The following DMXL2 variants were observed in gnomAD, a reference collection of about 807,000 sequenced individuals.
DMXL2 encodes dmX-like protein 2.
DMXL2 carries 103 observed loss-of-function variants against 331.1 expected under a neutral mutation model. That is an observed-to-expected ratio of 0.31 (90% CI 0.27 to 0.37). The LOEUF is 0.37. Among genes scored for constraint, DMXL2 ranks in the 10% least tolerant of loss-of-function variants. The probability of loss-of-function intolerance (pLI) is 1.00; values close to 1 mark genes in which losing one functional copy is unlikely to be tolerated. For synonymous variants in DMXL2, 1,281 were observed against 1,252.1 expected (o/e 1.02, Z -0.49); for missense variants, 3,171 against 3,642.9 (o/e 0.87, Z 3.33).
intron 19 of DMXL2, among the ~76,000 whole-genome samples, chr15:51,492,299 C>T (rs1402517218): frequency 1.3e-5 from 2 of 152,210 alleles, no homozygotes; most frequent in African/African-American, 4.8e-5. Context: ...GTGCCACTAC[C>T]CCATTCTTCT....
At chr15:51,491,541 T>C (rs938335015) in intron 20 of DMXL2, 37 bp downstream of exon 20, 62 of 1,558,408 alleles carry the variant, frequency 4.0e-5, no homozygotes, top group Non-Finnish European at 4.9e-5. Flanking sequence ...GAAAAGGTTT[T>C]TTTAATATAA....
Position 51,618,224 on chromosome 15 carries a change from A to T in DMXL2, c.87+4235T>A, listed in dbSNP as rs2054407828. Among the ~76,000 whole-genome samples, 3 of 152,118 alleles carry T rather than the reference A, an allele frequency of 2.0e-5. No individual in the cohort carries two copies. The South Asian group carries it at 6.2e-4, about 32-fold the overall frequency. ...ATTGCACAGCTGGCCTACTGTGGTT[A>T]GGTATGTGTCTTTTACTCTCGTATT... On this transcript the variant is annotated intron_variant, in intron 1 of 43. Transcript: ENST00000560891.
chr15:51,518,431 A>C (rs2140690993), intron 13 of DMXL2, among the ~76,000 whole-genome samples: 1 of 152,352 alleles, frequency 6.6e-6, no homozygotes, highest in South Asian at 2.1e-4. Flanking sequence ...GAAAACAGTG[A>C]AATTTTTGTA....
intron 22 of DMXL2, among the ~76,000 whole-genome samples, chr15:51,486,689 C>T (rs2042417879): frequency 6.6e-6 from 1 of 152,080 alleles, no homozygotes; most frequent in Non-Finnish European, 1.5e-5. Flanking sequence ...AAACATATTT[C>T]TGCATAATCA....
chr15:51,566,833 G>C (rs2050318887), intron 3 of DMXL2, among the ~76,000 whole-genome samples: 1 of 152,042 alleles, frequency 6.6e-6, no homozygotes, highest in African/African-American at 2.4e-5. Flanking sequence ...AAAATGTAAT[G>C]CATGCAGGAT....
intron 33 of DMXL2, chr15:51,459,863 C>A: frequency 8.7e-7 from 1 of 1,151,424 alleles, no homozygotes; most frequent in Non-Finnish European, 1.1e-6. Flanking sequence ...ATTAATGTGA[C>A]TATTACATAA....
chr15:51,613,970 T>C (rs2054132839), intron 1 of DMXL2, among the ~76,000 whole-genome samples: 1 of 152,226 alleles, frequency 6.6e-6, no homozygotes, highest in Admixed American at 6.5e-5. Flanking sequence ...TAACATGTGT[T>C]GTGGACTATA....
At chr15:51,492,626 TTACTGA>T (rs1165406463) in intron 19 of DMXL2, among the ~76,000 whole-genome samples, 1 of 152,200 alleles carries the variant, frequency 6.6e-6, no homozygotes, top group African/African-American at 2.4e-5. Context: ...GATAACGCTC[TTACTGA>T]TATTCGACTT....
intron 13 of DMXL2, among the ~76,000 whole-genome samples, chr15:51,525,613 C>T (rs1255269279): frequency 2.0e-5 from 3 of 152,072 alleles, no homozygotes; most frequent in African/African-American, 7.2e-5. Context: ...AACAAGCTAA[C>T]CAAAGAGCTC....
rs1258267161 is a variant in DMXL2 at position 51,622,633 on chromosome 15, T to C, written c.-88A>G. On this transcript the variant is annotated 5_prime_UTR_variant, in exon 1 of 44. Transcript: ENST00000560891. ...TCGGGCTGCGAGAGCCGTTTCCCTCTGTGCCTCCCTCGGAAACCCGCCCCG... is the reference window on the plus strand; with the variant it reads ...TCGGGCTGCGAGAGCCGTTTCCCTCCGTGCCTCCCTCGGAAACCCGCCCCG... 1.1e-5 allele frequency: 16 copies of C among 1,461,248 alleles called. No homozygotes were observed. In the Admixed American group the frequency reaches 3.8e-4, roughly 35 times the overall value. 90.5% of individuals were successfully genotyped at this position (1,461,248 alleles called of 1,614,324 possible).
At chr15:51,591,738 A>C (rs1001397998) in intron 1 of DMXL2, among the ~76,000 whole-genome samples, 1 of 152,152 alleles carries the variant, frequency 6.6e-6, no homozygotes, top group African/African-American at 2.4e-5. Context: ...AAACTTCCAG[A>C]GGAACGATCC....
At chr15:51,497,709 T>A (rs1388509221) in intron 18 of DMXL2, among the ~76,000 whole-genome samples, 1 of 152,178 alleles carries the variant, frequency 6.6e-6, no homozygotes, top group Non-Finnish European at 1.5e-5. Context: ...ATTTTCTAGT[T>A]ACAGAATGAA....
Position 51,611,038 on chromosome 15 carries a change from A to G in DMXL2, c.87+11421T>C, listed in dbSNP as rs138983140. On this transcript the variant is annotated intron_variant, in intron 1 of 43. Transcript: ENST00000560891. ...AAATTCATCTATTAGGGAGAAAGAC[A>G]AAAATGAGCTAAGCATTTAGCTCAA... is the stretch of plus-strand genomic sequence containing the variant. Among the ~76,000 whole-genome samples, 102 of 152,080 alleles carry G rather than the reference A, an allele frequency of 6.7e-4. 1 individual carries two copies. In the East Asian group the frequency reaches 0.016, roughly 24 times the overall value.
At chr15:51,590,435 A>G (rs2052206071) in intron 1 of DMXL2, among the ~76,000 whole-genome samples, 1 of 152,248 alleles carries the variant, frequency 6.6e-6, no homozygotes, top group African/African-American at 2.4e-5. Context: ...TGAGTCCCTG[A>G]TAACTGAGGC....
At chr15:51,570,242 G>GA (rs753425881) in intron 2 of DMXL2, among the ~76,000 whole-genome samples, 1 of 115,508 alleles carries the variant, frequency 8.7e-6, no homozygotes, top group South Asian at 2.6e-4. Context: ...CAAGATTAGA[G>GA]AAAAAAGAGT....
At chr15:51,456,698 G>C (rs1256082026) in intron 37 of DMXL2, among the ~76,000 whole-genome samples, 1 of 152,166 alleles carries the variant, frequency 6.6e-6, no homozygotes, top group Non-Finnish European at 1.5e-5. Context: ...GACCCCTCCA[G>C]CTACAGTGAC....
In DMXL2 at chr15:51,466,318, TA is replaced by T. The variant is rs774058318; in HGVS notation, c.7393-8del. On this transcript the variant is annotated splice_region_variant and splice_polypyrimidine_tract_variant and intron_variant, in intron 29 of 43. Transcript: ENST00000560891. ...CAGACAAAGGAAGAAATGGCTGCAA[TA>T]AAAGGTAAAATTATTTTTTTAAAGA... 4.5e-5 allele frequency: 59 copies of T among 1,298,066 alleles called. No homozygotes were observed. The East Asian group carries it at 1.6e-3, about 35-fold the overall frequency. 80.4% of individuals were successfully genotyped at this position (1,298,066 alleles called of 1,614,324 possible). A position where few individuals can be genotyped will look rare whatever the true frequency, so the allele number is the denominator to read the frequency against.
At position 51,481,191 on chromosome 15, in the gene DMXL2, T is replaced by A; in HGVS notation, c.5915A>T (p.Glu1972Val). 1 of 1,613,976 alleles carries A rather than the reference T, an allele frequency of 6.2e-7. No individual in the cohort carries two copies. The highest frequency in any genetic ancestry group is 1.6e-4 in the Middle Eastern group (1 of 6,062). Reference sequence around the variant, plus strand: ...TTCACCCCAATCAAGATTAAGAGGTTCCTCATCAACTTTTACTATTGGCTG... The same window carrying A: ...TTCACCCCAATCAAGATTAAGAGGTACCTCATCAACTTTTACTATTGGCTG... The part of the protein sequence containing the change: ...WSQPIVKVDE[E>V]PLNLDWGEDH... The change falls in exon 24 of 44, where the codon GAA becomes GTA. Residue 1972 changes from glutamate (E) to valine (V), a missense_variant. By Grantham distance (121) the Glu-to-Val change is moderately radical. Around this residue, in one of 7 missense-constraint regions of DMXL2, gnomAD observed 244 missense variants for 251.4 expected, o/e 0.97. Coordinates refer to ENST00000560891, the MANE Select transcript of DMXL2 (RefSeq NM_001378457.1).
rs2041890001 is a variant in DMXL2 at position 51,479,952 on chromosome 15, A to C, written c.6752T>G (p.Val2251Gly). Reference sequence around the variant, plus strand: ...TGATCATAAACTTTACATTACCTTCACATCTTCAATACTGGGATGAGGTGG... The same window carrying C: ...TGATCATAAACTTTACATTACCTTCCCATCTTCAATACTGGGATGAGGTGG... ...KTPPHPSIED[V>G]KVHTLHSLAA... The change falls in exon 25 of 44, where the codon GTG (valine) becomes GGG (glycine). Residue 2251 changes from valine (V) to glycine (G), a missense_variant. Physicochemically the swap from Val to Gly is moderately radical, Grantham distance 109 (BLOSUM62 -3). Coordinates refer to ENST00000560891, the MANE Select transcript of DMXL2 (RefSeq NM_001378457.1). The C allele has an allele frequency of 6.6e-7, 1 of 1,508,106 alleles. No homozygotes were observed. The highest frequency in any genetic ancestry group is 1.4e-5 in the African/African-American group (1 of 72,528). The allele number at this position is 1,508,106 out of a possible 1,614,324, so 93.4% of individuals were successfully genotyped here. A position where few individuals can be genotyped will look rare whatever the true frequency, so the allele number is the denominator to read the frequency against.
Sources: allele counts gnomAD v4.1 joint callset (sites outside exome capture counted in the v4.1 genomes callset), GRCh38; gene constraint gnomAD v4.1.1; regional missense constraint gnomAD v4.1.1; transcripts MANE v1.5; gene names NCBI Gene and HGNC (gene_info 2026-07-23, HGNC 2026-07-21).